CACNA1C: variants seen among roughly 807,000 people sequenced by gnomAD.
CACNA1C encodes voltage-dependent L-type calcium channel subunit alpha-1C.
CACNA1C carries 30 observed loss-of-function variants against 229.0 expected under a neutral mutation model. The ratio of observed to expected loss-of-function variants is 0.13; its 90% CI spans 0.10 to 0.18. The LOEUF (loss-of-function observed/expected upper bound fraction) is 0.18, where lower values mean the gene tolerates loss of function less well. CACNA1C is among the 10% of genes least tolerant of loss of function. CACNA1C has a pLI of 1.00. For missense variants in CACNA1C, 1,658 were observed against 2,845.0 expected (o/e 0.58, Z 9.49); for synonymous variants, 1,114 against 1,132.5 (o/e 0.98, Z 0.33).
At chr12:2,216,625 A>G (rs2154344366) in intron 3 of CACNA1C, among the ~76,000 whole-genome samples, 1 of 152,350 alleles carries the variant, frequency 6.6e-6, no homozygotes, top group African/African-American at 2.4e-5. Flanking sequence ...TTGTCTGTAC[A>G]GTAGAATAAT....
At chr12:2,116,133 C>T (rs1045227546) in intron 2 of CACNA1C, among the ~76,000 whole-genome samples, 31 of 152,130 alleles carry the variant, frequency 2.0e-4, no homozygotes, top group African/African-American at 7.5e-4. Flanking sequence ...AACTACAGAC[C>T]ACTCAGTTCC....
At chr12:2,584,261 G>A (rs912658782) in intron 15 of CACNA1C, among the ~76,000 whole-genome samples, 1 of 152,160 alleles carries the variant, frequency 6.6e-6, no homozygotes, top group Non-Finnish European at 1.5e-5. Flanking sequence ...CCTCCCTCCC[G>A]CCTGCTCCAG....
intron 3 of CACNA1C, among the ~76,000 whole-genome samples, chr12:2,416,930 T>C (rs1332834002): frequency 6.6e-6 from 1 of 151,996 alleles, no homozygotes; most frequent in African/African-American, 2.4e-5. Context: ...ACATCCGGAG[T>C]GTTCACATTC....
chr12:2,634,265 C>A, intron 29 of CACNA1C, 32 bp from the exon 30 acceptor site: 2 of 856,496 alleles, frequency 2.3e-6, no homozygotes, highest in Non-Finnish European at 1.6e-6. Context: ...GGTTCTTCTT[C>A]TCTCTCTCCC....
chr12:2,456,350 A>G (rs1015763081), intron 4 of CACNA1C, among the ~76,000 whole-genome samples: 1 of 152,198 alleles, frequency 6.6e-6, no homozygotes, highest in African/African-American at 2.4e-5. Context: ...CGCCCCCGAC[A>G]GGGGAGTCTC....
intron 1 of CACNA1C, among the ~76,000 whole-genome samples, chr12:2,074,262 A>G (rs746520658): frequency 7.2e-5 from 11 of 152,214 alleles, no homozygotes; most frequent in Non-Finnish European, 1.6e-4. Flanking sequence ...AGGTGAATTA[A>G]TTTGAGAGCT....
intron 30 of CACNA1C, among the ~76,000 whole-genome samples, chr12:2,634,930 G>T (rs559204817): frequency 6.6e-6 from 1 of 152,142 alleles, no homozygotes; most frequent in Non-Finnish European, 1.5e-5. Context: ...CCATGATCTC[G>T]GGTTGAATGG....
At chr12:2,007,531 T>C (rs927697087) in intron 1 of CACNA1C, among the ~76,000 whole-genome samples, 1 of 152,246 alleles carries the variant, frequency 6.6e-6, no homozygotes, top group Non-Finnish European at 1.5e-5. Context: ...TGTGCTGAAA[T>C]TACATGGTCA....
rs1334094539 is a variant in CACNA1C, at chr12:2,690,813, C to T, written c.6118-87C>T. On this transcript the variant is annotated intron_variant, in intron 46 of 46. Coordinates refer to ENST00000399655, the MANE Select transcript of CACNA1C (RefSeq NM_000719.7). Reference sequence around the variant, plus strand: ...ACTTCCCCAAGTGACCTACCAGATACCCCCTCGCTCTAGCCCTCAAGGGAA... The same window carrying T: ...ACTTCCCCAAGTGACCTACCAGATATCCCCTCGCTCTAGCCCTCAAGGGAA... 5.3e-6 allele frequency: 7 copies of T among 1,316,056 alleles called. No individual in the cohort carries two copies. The South Asian group carries it at 9.2e-5, about 17-fold the overall frequency. The allele number at this position is 1,316,056 out of a possible 1,614,324, so 81.5% of individuals were successfully genotyped here. A position where few individuals can be genotyped will look rare whatever the true frequency, so the allele number is the denominator to read the frequency against.
chr12:2,651,296 C>T lies in CACNA1C; in HGVS notation c.3946-344C>T, dbSNP rs2094941534. ...GGAGGGGTTCCCAGGGCAGCTGGCT[C>T]TGGGCCTAGAAGATTCCAAAGCCTA... On this transcript the variant is annotated intron_variant, in intron 31 of 46. Transcript: ENST00000399655. This position sits in a 1 kb window ranked among gnomAD's most constrained non-coding sequence, Gnocchi z 5.4. The T allele has an allele frequency of 2.6e-6, 1 of 386,190 alleles. No homozygotes were observed. The allele number at this position is 386,190 out of a possible 1,614,324, so 23.9% of individuals were successfully genotyped here.
At chr12:2,485,565 A>G (rs1412338361) in intron 5 of CACNA1C, among the ~76,000 whole-genome samples, 2 of 152,114 alleles carry the variant, frequency 1.3e-5, no homozygotes, top group Non-Finnish European at 2.9e-5. Context: ...TCTTGTGGTA[A>G]TAAGAACATA....
At chr12:2,205,735 C>T (rs2097736877) in intron 3 of CACNA1C, among the ~76,000 whole-genome samples, 3 of 152,120 alleles carry the variant, frequency 2.0e-5, no homozygotes, top group Admixed American at 2.0e-4. Context: ...TAACAAAATA[C>T]CGCAGTGGGG....
chr12:2,030,103 C>T (rs561358236), intron 1 of CACNA1C, among the ~76,000 whole-genome samples: 40 of 152,284 alleles, frequency 2.6e-4, no homozygotes, highest in Non-Finnish European at 4.6e-4. Context: ...AATGTCATAA[C>T]GCGGATTACC....
At chr12:2,086,852 A>G (rs1390877089) in intron 1 of CACNA1C, among the ~76,000 whole-genome samples, 2 of 152,228 alleles carry the variant, frequency 1.3e-5, no homozygotes, top group African/African-American at 2.4e-5. Context: ...ACTTAGTCAT[A>G]TGGTCATGTC....
At chr12:2,089,547 A>G (rs574464056) in intron 1 of CACNA1C, among the ~76,000 whole-genome samples, 232 of 152,336 alleles carry the variant, frequency 1.5e-3, no homozygotes, top group African/African-American at 5.2e-3. Flanking sequence ...ACAGGATGCC[A>G]TAAGAATCTT....
intron 3 of CACNA1C, among the ~76,000 whole-genome samples, chr12:2,330,657 C>A (rs1220638221): frequency 6.6e-6 from 1 of 152,168 alleles, no homozygotes; most frequent in African/African-American, 2.4e-5. Flanking sequence ...TTTTACCCTG[C>A]AACCTTTATA....
At position 2,681,620 on chromosome 12, in the gene CACNA1C, C is replaced by T. The variant is rs969496752; in HGVS notation, c.5445-930C>T. Among the ~76,000 whole-genome samples, 7 of 152,178 alleles carry T rather than the reference C, an allele frequency of 4.6e-5. No homozygotes were observed. The South Asian group carries it at 8.3e-4, about 18-fold the overall frequency. On this transcript the variant is annotated intron_variant, in intron 42 of 46. Transcript: ENST00000399655. Reference sequence around the variant, plus strand: ...CGTGCTTCACCAAAGCCCACTCCACCTCCCTCCCCTCCCAGTCCTCCTGGA... The same window carrying T: ...CGTGCTTCACCAAAGCCCACTCCACTTCCCTCCCCTCCCAGTCCTCCTGGA...
chr12:2,339,231 A>G (rs1011391111), intron 3 of CACNA1C, among the ~76,000 whole-genome samples: 2 of 152,246 alleles, frequency 1.3e-5, no homozygotes, highest in Non-Finnish European at 2.9e-5. Context: ...AGCAATTGTA[A>G]TACAATGCTA....
At chr12:2,192,996 C>T (rs1219093574) in intron 3 of CACNA1C, among the ~76,000 whole-genome samples, 1 of 152,242 alleles carries the variant, frequency 6.6e-6, no homozygotes, top group East Asian at 1.9e-4. Context: ...GATTTCCCCA[C>T]CTCGGATTCA....
Sources: gnomAD v4.1 joint callset for allele counts (sites outside exome capture counted in the v4.1 genomes callset) on GRCh38, gnomAD v4.1.1 for gene constraint, Gnocchi (gnomAD v3.1) non-coding constraint, MANE v1.5 for transcripts, NCBI Gene and HGNC (gene_info 2026-07-23, HGNC 2026-07-21) for gene names.